SRPK2: variants seen among roughly 807,000 people sequenced by gnomAD.
SRPK2 encodes SRSF protein kinase 2, also known as SFRS protein kinase 2.
SRPK2 carries 21 observed loss-of-function variants against 90.8 expected under a neutral mutation model. The observed-to-expected ratio is 0.23, with a 90% CI of 0.16 to 0.33. The LOEUF is 0.33. SRPK2 is among the 10% of genes least tolerant of loss of function. The pLI is 1.00. For missense variants in SRPK2, 620 were observed against 869.0 expected, an observed-to-expected ratio of 0.71 and a Z score of 3.60; for synonymous variants, 288 against 311.1, an observed-to-expected ratio of 0.93 and a Z score of 0.78.
intron 2 of SRPK2, chr7:105,245,076 T>A (rs1290254990): frequency 1.2e-5 from 4 of 332,064 alleles, no homozygotes; most frequent in Non-Finnish European, 1.8e-5. Context: ...CACACACACC[T>A]CTTTTTCTTA....
At chr7:105,303,434 C>T (rs1465052616) in intron 2 of SRPK2, among the ~76,000 whole-genome samples, 1 of 151,628 alleles carries the variant, frequency 6.6e-6, no homozygotes, top group East Asian at 1.9e-4. Context: ...GCACGTTGTG[C>T]ACATGTACCC....
At chr7:105,179,089 G>C (rs1185887704) in intron 3 of SRPK2, among the ~76,000 whole-genome samples, 4 of 152,070 alleles carry the variant, frequency 2.6e-5, no homozygotes, top group African/African-American at 7.2e-5. Context: ...ACAGATTAAA[G>C]GTCAGTCCGT....
upstream of SRPK2, among the ~76,000 whole-genome samples, chr7:105,392,078 T>A (rs1172357342): frequency 6.6e-6 from 1 of 152,194 alleles, no homozygotes; most frequent in Non-Finnish European, 1.5e-5. Flanking sequence ...AAAAACATTA[T>A]GCTAAATAAA....
Position 105,320,460 on chromosome 7 carries a change from TTGAGAA to T in SRPK2, c.71+68182_71+68187del, listed in dbSNP as rs532998403. On this transcript the variant is annotated intron_variant, in intron 2 of 15. Transcript: ENST00000393651. ...GTTTAAAAACACATCAATAATTACCTTGAGAATAAGTTAAAGTACACATTTTCAGAA... is the reference window on the plus strand; with the variant it reads ...GTTTAAAAACACATCAATAATTACCTTAAGTTAAAGTACACATTTTCAGAA... 3.5e-3 allele frequency among the ~76,000 whole-genome samples: 538 copies of T among 152,308 alleles called. 3 individuals carry two copies. The highest frequency in any genetic ancestry group is 0.012 in the African/African-American group (508 of 41,566).
chr7:105,169,046 A>T, intron 4 of SRPK2, 111 bp downstream of exon 4: 1 of 852,806 alleles, frequency 1.2e-6, no homozygotes, highest in Non-Finnish European at 1.8e-6. Context: ...GCCTGTGCTA[A>T]GCACTTCACA....
At chr7:105,254,864 A>AC (rs1554482283) in intron 2 of SRPK2, among the ~76,000 whole-genome samples, 4 of 151,200 alleles carry the variant, frequency 2.6e-5, no homozygotes, top group Non-Finnish European at 5.9e-5. Flanking sequence ...TAATTTTTGT[A>AC]TTTTTAGTAG....
chr7:105,360,855 C>A (rs918208999), intron 2 of SRPK2, among the ~76,000 whole-genome samples: 1 of 152,056 alleles, frequency 6.6e-6, no homozygotes, highest in Non-Finnish European at 1.5e-5. Flanking sequence ...TTATGACAAA[C>A]CCACAGCCAA....
intron 2 of SRPK2, among the ~76,000 whole-genome samples, chr7:105,374,300 T>C (rs1820047582): frequency 6.6e-6 from 1 of 152,224 alleles, no homozygotes; most frequent in East Asian, 1.9e-4. Flanking sequence ...TTTGTCATTT[T>C]GTATTGCTTT....
At position 105,146,457 on chromosome 7, in the gene SRPK2, C is replaced by A. The variant is rs769486877; in HGVS notation, c.787+36G>T. 35 of 1,608,936 alleles carry A rather than the reference C, an allele frequency of 2.2e-5. No homozygotes were observed. The Middle Eastern group carries it at 8.3e-4, about 38-fold the overall frequency. On this transcript the variant is annotated intron_variant, in intron 8 of 15. Coordinates refer to ENST00000393651, the MANE Select transcript of SRPK2 (RefSeq NM_182692.3). ...CTGCAACTTTGCAAGCTCCCAATGCCCCCACACTGAAATGAAGCTGGCTCA... is the reference window on the plus strand; with the variant it reads ...CTGCAACTTTGCAAGCTCCCAATGCACCCACACTGAAATGAAGCTGGCTCA...
intron 1 of SRPK2, among the ~76,000 whole-genome samples, chr7:105,398,380 C>T (rs1822386008): frequency 6.7e-6 from 1 of 149,142 alleles, no homozygotes; most frequent in African/African-American, 2.5e-5. Context: ...AACCCAGCCT[C>T]CTTTTTTTTT....
In SRPK2 at chr7:105,143,798, G is replaced by A. The variant is rs545192757; in HGVS notation, c.814-468C>T. On this transcript the variant is annotated intron_variant, in intron 9 of 15. Coordinates refer to ENST00000393651, the MANE Select transcript of SRPK2 (RefSeq NM_182692.3). ...AAGCTCTTAGCAGCCAAGACAACAT[G>A]AACTGTAAGAGATAAGCCTATGCTG... The A allele has an allele frequency of 8.7e-5, 14 of 161,218 alleles. No individual in the cohort carries two copies. The South Asian group carries it at 1.2e-3, about 14-fold the overall frequency. The allele number at this position is 161,218 out of a possible 1,614,324, so 10.0% of individuals were successfully genotyped here.
In SRPK2 at chr7:105,149,205, A is replaced by G. The variant is rs549184518; in HGVS notation, c.622-2547T>C. ...GAATGTCTCGGTATAAAACCCGATT[A>G]TACATTTGTTCAATTCTCAGATGAG... On this transcript the variant is annotated intron_variant, in intron 7 of 15. Coordinates refer to ENST00000393651, the MANE Select transcript of SRPK2 (RefSeq NM_182692.3). Among the ~76,000 whole-genome samples, 257 of 152,300 alleles carry G rather than the reference A, an allele frequency of 1.7e-3. 2 individuals carry two copies. The highest frequency in any genetic ancestry group is 6.8e-3 in the Middle Eastern group (2 of 294).
At chr7:105,388,532 C>G (rs1331764456) in intron 2 of SRPK2, 116 bp downstream of exon 2, 7 of 861,522 alleles carry the variant, frequency 8.1e-6, no homozygotes, top group Non-Finnish European at 7.9e-6. Flanking sequence ...CGCCAGCGTC[C>G]CGGGGGACCA....
At chr7:105,382,851 C>T (rs1271400459) in intron 2 of SRPK2, among the ~76,000 whole-genome samples, 1 of 152,076 alleles carries the variant, frequency 6.6e-6, no homozygotes, top group East Asian at 1.9e-4. Flanking sequence ...GTTAGAACTA[C>T]ACAGAGAGTG....
At chr7:105,209,741 A>G (rs1306402055) in intron 2 of SRPK2, among the ~76,000 whole-genome samples, 1 of 151,954 alleles carries the variant, frequency 6.6e-6, no homozygotes, top group Admixed American at 6.6e-5. Context: ...GCAAAAGAGA[A>G]AAAGAGGGGA....
At chr7:105,284,211 G>C (rs1167865674) in intron 2 of SRPK2, among the ~76,000 whole-genome samples, 1 of 152,202 alleles carries the variant, frequency 6.6e-6, no homozygotes, top group Non-Finnish European at 1.5e-5. Flanking sequence ...TCTGACCAGG[G>C]AAAGGGAGTG....
At chr7:105,278,736 G>C (rs1357684870) in intron 2 of SRPK2, among the ~76,000 whole-genome samples, 1 of 151,446 alleles carries the variant, frequency 6.6e-6, no homozygotes, top group Non-Finnish European at 1.5e-5. Flanking sequence ...GGGGGAAAAG[G>C]AAAGGGGAAA....
At chr7:105,332,956 G>A (rs1814613582) in intron 2 of SRPK2, 1 of 152,088 alleles carries the variant, frequency 6.6e-6, no homozygotes, top group Non-Finnish European at 1.5e-5. Flanking sequence ...AGCCCTTTGG[G>A]AGGCCAAGGT....
chr7:105,125,358 T>C (rs1010224514), intron 15 of SRPK2, among the ~76,000 whole-genome samples: 1 of 152,062 alleles, frequency 6.6e-6, no homozygotes, highest in Non-Finnish European at 1.5e-5. Flanking sequence ...TACGCAGCAT[T>C]TCACAGGCCT....
Sources: allele counts gnomAD v4.1 joint callset (sites outside exome capture counted in the v4.1 genomes callset), GRCh38; gene constraint gnomAD v4.1.1; transcripts MANE v1.5; gene names NCBI Gene and HGNC (gene_info 2026-07-23, HGNC 2026-07-21).